The following TCF4 variants were observed in gnomAD, a reference collection of about 807,000 sequenced individuals.
TCF4 encodes the protein SL3-3 enhancer factor 2.
In TCF4, 3 loss-of-function variants were observed where a neutral mutation model predicts 82.1. The ratio of observed to expected loss-of-function variants is 0.04; its 90% CI spans 0.02 to 0.09. The LOEUF (loss-of-function observed/expected upper bound fraction) is 0.09, where lower values mean the gene tolerates loss of function less well. Ranked by LOEUF, TCF4 falls within the 10% of genes least tolerant of loss-of-function variation. The probability of loss-of-function intolerance (pLI) is 1.00; values close to 1 mark genes in which losing one functional copy is unlikely to be tolerated. For missense variants in TCF4, 518 were observed against 852.7 expected, an observed-to-expected ratio of 0.61 and a Z score of 4.89; for synonymous variants, 276 against 309.6, an observed-to-expected ratio of 0.89 and a Z score of 1.14.
rs536190756 is a variant in TCF4 at position 55,413,793 on chromosome 18, T to C, written c.305-10275A>G. On this transcript the variant is annotated intron_variant, in intron 5 of 19. Coordinates refer to ENST00000354452, the MANE Select transcript of TCF4 (RefSeq NM_001083962.2). ...ATCCTATAAAAAGTATGCAAGAAAATAAAATGCATTACATATACTATGTTT... is the reference window on the plus strand; with the variant it reads ...ATCCTATAAAAAGTATGCAAGAAAACAAAATGCATTACATATACTATGTTT... Among the ~76,000 whole-genome samples, 21 of 152,126 alleles carry C rather than the reference T, an allele frequency of 1.4e-4. 1 individual carries two copies. The South Asian group carries it at 4.4e-3, about 32-fold the overall frequency.
intron 5 of TCF4, chr18:55,422,497 A>C (rs932607260): frequency 2.1e-5 from 20 of 955,202 alleles, no homozygotes; most frequent in Non-Finnish European, 2.5e-5. Context: ...TCCTATTATT[A>C]AAAAAAAGAG....
intron 5 of TCF4, among the ~76,000 whole-genome samples, chr18:55,426,345 A>C (rs1209015496): frequency 2.0e-5 from 3 of 152,126 alleles, no homozygotes; most frequent in Non-Finnish European, 4.4e-5. Context: ...AATCTGTTCC[A>C]CTTCAGAATG....
intron 5 of TCF4, among the ~76,000 whole-genome samples, chr18:55,433,965 A>G (rs2095265708): frequency 6.6e-6 from 1 of 152,156 alleles, no homozygotes; most frequent in Admixed American, 6.5e-5. Context: ...ACTTTAAGGC[A>G]TAATTCCTAC....
chr18:55,252,070 C>T (rs771829421), intron 15 of TCF4, among the ~76,000 whole-genome samples: 1 of 151,566 alleles, frequency 6.6e-6, no homozygotes, highest in African/African-American at 2.4e-5. Context: ...AAAATTCATA[C>T]CAGTTTGCAC....
intron 5 of TCF4, among the ~76,000 whole-genome samples, chr18:55,426,322 A>G (rs954674850): frequency 6.6e-6 from 1 of 152,156 alleles, no homozygotes; most frequent in African/African-American, 2.4e-5. Flanking sequence ...TCCAAAACTG[A>G]GGTTCCACAG....
intron 5 of TCF4, chr18:55,422,060 A>G (rs751929253): frequency 1.5e-5 from 7 of 473,252 alleles, no homozygotes; most frequent in Non-Finnish European, 1.9e-5. Flanking sequence ...TCAAACTCTT[A>G]CACTAAACCA....
chr18:55,523,593 A>T (rs1216738873), intron 3 of TCF4, among the ~76,000 whole-genome samples: 1 of 152,016 alleles, frequency 6.6e-6, no homozygotes, highest in Non-Finnish European at 1.5e-5. Flanking sequence ...TTAACTAATA[A>T]GAGGGAATTT....
chr18:55,342,825 C>A (rs990131350), intron 8 of TCF4, among the ~76,000 whole-genome samples: 5 of 152,156 alleles, frequency 3.3e-5, no homozygotes, highest in African/African-American at 1.2e-4. Flanking sequence ...CAACCCAATT[C>A]TCCAAACAGG....
chr18:55,394,494 C>T (rs774767438), intron 6 of TCF4, among the ~76,000 whole-genome samples: 6 of 152,080 alleles, frequency 3.9e-5, no homozygotes, highest in Non-Finnish European at 7.4e-5. Context: ...GGGTATGTAG[C>T]TTTCATTAAG....
intron 3 of TCF4, among the ~76,000 whole-genome samples, chr18:55,528,681 T>C (rs2097021514): frequency 6.6e-6 from 1 of 152,186 alleles, no homozygotes; most frequent in African/African-American, 2.4e-5. Context: ...ACTAGTGTCA[T>C]TAAAGGAAAG....
At chr18:55,396,197 C>T (rs2093480485) in intron 6 of TCF4, among the ~76,000 whole-genome samples, 1 of 152,178 alleles carries the variant, frequency 6.6e-6, no homozygotes, top group Non-Finnish European at 1.5e-5. Flanking sequence ...AAAGCACTGG[C>T]TTTGAAACAA....
At chr18:55,320,042 A>C (rs2075110531) in intron 8 of TCF4, among the ~76,000 whole-genome samples, 1 of 152,216 alleles carries the variant, frequency 6.6e-6, no homozygotes, top group Non-Finnish European at 1.5e-5. Context: ...TTGCTTACTG[A>C]CTACGATGGC....
At chr18:55,319,871 G>A (rs1196072360) in intron 8 of TCF4, among the ~76,000 whole-genome samples, 1 of 152,132 alleles carries the variant, frequency 6.6e-6, no homozygotes, top group Non-Finnish European at 1.5e-5. Context: ...AATTTTGTCA[G>A]TTCAGATATT....
chr18:55,578,928 T>C (rs539042893), intron 3 of TCF4, among the ~76,000 whole-genome samples: 1 of 152,098 alleles, frequency 6.6e-6, no homozygotes, highest in Admixed American at 6.6e-5. Flanking sequence ...TTAAATAAAA[T>C]ACTTTCTTAC....
At chr18:55,493,720 C>A (rs955792253) in intron 3 of TCF4, among the ~76,000 whole-genome samples, 13 of 152,034 alleles carry the variant, frequency 8.6e-5, no homozygotes, top group African/African-American at 2.7e-4. Context: ...TACACAAATA[C>A]ACAAAATACA....
intron 8 of TCF4, among the ~76,000 whole-genome samples, chr18:55,318,302 G>A (rs919858815): frequency 6.6e-6 from 1 of 151,964 alleles, no homozygotes; most frequent in Admixed American, 6.6e-5. Flanking sequence ...TGGAGAGCAG[G>A]TAATGCCTAA....
intron 5 of TCF4, among the ~76,000 whole-genome samples, chr18:55,423,060 G>A (rs1645610360): frequency 6.6e-6 from 1 of 151,068 alleles, no homozygotes; most frequent in Non-Finnish European, 1.5e-5. Flanking sequence ...ACAGTCCTGA[G>A]GCCGGACTTT....
intron 3 of TCF4, among the ~76,000 whole-genome samples, chr18:55,518,740 A>G (rs1396985118): frequency 1.3e-5 from 2 of 152,210 alleles, no homozygotes; most frequent in African/African-American, 4.8e-5. Context: ...CAGTGTTTTT[A>G]AAAAGTCATT....
chr18:55,286,410 A>T (rs2063706465), intron 8 of TCF4, among the ~76,000 whole-genome samples: 1 of 151,772 alleles, frequency 6.6e-6, no homozygotes, highest in African/African-American at 2.4e-5. Context: ...AATGAGTTCA[A>T]CTTCATTTTG....
Sources: gnomAD v4.1 joint callset for allele counts (sites outside exome capture counted in the v4.1 genomes callset) on GRCh38, gnomAD v4.1.1 for gene constraint, MANE v1.5 for transcripts, NCBI Gene and HGNC (gene_info 2026-07-23, HGNC 2026-07-21) for gene names.